Variants in ROCK1 observed in about 807,000 individuals in gnomAD.
ROCK1 encodes the protein Rho associated coiled-coil containing protein kinase 1.
In ROCK1, 36 loss-of-function variants were observed where a neutral mutation model predicts 196.8. The observed-to-expected ratio is 0.18, with a 90% CI of 0.14 to 0.24. The LOEUF is 0.24. Ranked by LOEUF, ROCK1 falls within the 10% of genes least tolerant of loss-of-function variation. The probability of loss-of-function intolerance (pLI) is 1.00; values close to 1 mark genes in which losing one functional copy is unlikely to be tolerated. For missense variants in ROCK1, 920 were observed against 1,562.0 expected, an observed-to-expected ratio of 0.59 and a Z score of 6.93; for synonymous variants, 443 against 515.9, an observed-to-expected ratio of 0.86 and a Z score of 1.91.
At chr18:21,052,439 C>CTTGGTCTAGGGGTACTATA (rs2036211491) in intron 2 of ROCK1, among the ~76,000 whole-genome samples, 2 of 152,322 alleles carry the variant, frequency 1.3e-5, no homozygotes, top group South Asian at 4.1e-4. Flanking sequence ...GAAACCCACT[C>CTTGGTCTAGGGGTACTATA]TTGGTCTAGG....
Position 20,992,863 on chromosome 18 carries a change from C to G in ROCK1, c.1960G>C (p.Glu654Gln). 1.2e-6 allele frequency: 2 copies of G among 1,610,606 alleles called. No individual in the cohort carries two copies. Among genetic ancestry groups the G allele is most frequent in the Non-Finnish European group, 1.7e-6 (2 of 1,177,328 alleles). Residue 654 changes from glutamate (E) to glutamine (Q), a missense_variant, in exon 17 of 33, where the codon GAG becomes CAG. Physicochemically the swap from Glu to Gln is conservative, Grantham distance 29. Transcript: ENST00000399799. ...NLEKVEGERK[E>Q]AQDMLNHSEK... ...GAGTGATTAAGCATGTCTTGAGCCT[C>G]TTTTCTTTCTCCTTCCACTTTTTCG...
At chr18:21,109,936 G>A (rs1488655262) in intron 1 of ROCK1, among the ~76,000 whole-genome samples, 2 of 152,004 alleles carry the variant, frequency 1.3e-5, no homozygotes, top group East Asian at 1.9e-4. Context: ...TTATTTTAGA[G>A]ATTATGTGGT....
intron 25 of ROCK1, 189 bp downstream of exon 25, chr18:20,968,582 AG>A: frequency 1.9e-6 from 1 of 528,152 alleles, no homozygotes; most frequent in East Asian, 3.3e-5. Context: ...TTGGGATTAC[AG>A]GCATGAGCCA....
Position 21,042,216 on chromosome 18 carries a change from T to C in ROCK1, c.840A>G (p.Ala280=), listed in dbSNP as rs889041502. 5 of 1,582,936 alleles carry C rather than the reference T, an allele frequency of 3.2e-6. No individual in the cohort carries two copies. The South Asian group carries it at 4.7e-5, about 15-fold the overall frequency. ...TACTGTAAGTTCCAACCAAAGAATCTGCATAAAAAGGTGTATCACCTGAAA... is the reference window on the plus strand; with the variant it reads ...TACTGTAAGTTCCAACCAAAGAATCCGCATAAAAAGGTGTATCACCTGAAA... ...EMLVGDTPFY[A]DSLVGTYSKI... The change falls in exon 8 of 33, where the codon GCA becomes GCG. Residue 280 remains alanine, a synonymous_variant. Coordinates refer to ENST00000399799, the MANE Select transcript of ROCK1 (RefSeq NM_005406.3).
chr18:21,032,524 T>TTTTTTTTTTTTTA (rs375335344), intron 9 of ROCK1, among the ~76,000 whole-genome samples: 2 of 148,800 alleles, frequency 1.3e-5, no homozygotes, highest in African/African-American at 5.0e-5. Flanking sequence ...TTTTTTTTTT[T>TTTTTTTTTTTTTA]GAGACAGAGT....
Position 21,111,668 on chromosome 18 carries a change from G to A in ROCK1, c.-758C>T, listed in dbSNP as rs2036754257. The A allele has an allele frequency of 6.5e-6, 1 of 154,080 alleles. No individual in the cohort carries two copies. The highest frequency in any genetic ancestry group is 2.4e-5 in the African/African-American group (1 of 41,484). 9.5% of individuals were successfully genotyped at this position (154,080 alleles called of 1,614,324 possible). A position where few individuals can be genotyped will look rare whatever the true frequency, so the allele number is the denominator to read the frequency against. ...AGTTGGGTCCCGGCGGCTGCTGATG[G>A]GGGAGCTTCTGGGAGGGGCTGCGGT... On this transcript the variant is annotated 5_prime_UTR_variant, in exon 1 of 33. Coordinates refer to ENST00000399799, the MANE Select transcript of ROCK1 (RefSeq NM_005406.3). The surrounding 1 kb of genome is among the most constrained non-coding windows in gnomAD (Gnocchi z 4.2).
Position 21,073,063 on chromosome 18 carries a change from CAAAAAAAAAAAAAAAAAAAAAAAAAAA to C in ROCK1, c.94-2477_94-2451del, listed in dbSNP as rs541290068. ...GCCTGGGTGAAAGAGACTCCGTCTCCAAAAAAAAAAAAAAAAAAAAAAAAAAAAAAAAAAAACAAAAGTGGAGGAGAA... is the reference window on the plus strand; with the variant it reads ...GCCTGGGTGAAAGAGACTCCGTCTCCAAAAAAAAACAAAAGTGGAGGAGAA... On this transcript the variant is annotated intron_variant, in intron 1 of 32. Coordinates refer to ENST00000399799, the MANE Select transcript of ROCK1 (RefSeq NM_005406.3). 3.7e-3 allele frequency among the ~76,000 whole-genome samples: 120 copies of C among 32,752 alleles called. 3 individuals carry two copies. Among genetic ancestry groups the C allele is most frequent in the Admixed American group, 0.018 (30 of 1,700 alleles). The allele number at this position is 32,752 out of a possible 152,430, so 21.5% of individuals were successfully genotyped here.
At chr18:21,096,978 G>C (rs1293050902) in intron 1 of ROCK1, among the ~76,000 whole-genome samples, 1 of 152,182 alleles carries the variant, frequency 6.6e-6, no homozygotes, top group Non-Finnish European at 1.5e-5. Flanking sequence ...TGTGATTTAT[G>C]TCAGACTATA....
At chr18:21,055,205 T>TA (rs910934855) in intron 2 of ROCK1, among the ~76,000 whole-genome samples, 1 of 152,208 alleles carries the variant, frequency 6.6e-6, no homozygotes, top group Admixed American at 6.5e-5. Flanking sequence ...TGCAGTTGAA[T>TA]ATGTCTCAAT....
chr18:21,055,858 G>A (rs751651094), intron 2 of ROCK1, among the ~76,000 whole-genome samples: 11 of 152,058 alleles, frequency 7.2e-5, no homozygotes, highest in South Asian at 2.1e-4. Flanking sequence ...ACTTCAGGTC[G>A]GCTCTTACCT....
At position 21,111,119 on chromosome 18, in the gene ROCK1, C is replaced by G. The variant is rs959564401; in HGVS notation, c.-209G>C. On this transcript the variant is annotated 5_prime_UTR_variant, in exon 1 of 33. Coordinates refer to ENST00000399799, the MANE Select transcript of ROCK1 (RefSeq NM_005406.3). The surrounding 1 kb of genome is among the most constrained non-coding windows in gnomAD (Gnocchi z 4.2). The stretch of plus-strand genomic sequence containing the variant: ...CGGGGGCAACAGCGACCCACAGCCG[C>G]TCGGACGCCCAAAGTCGCATCCCAC... 1.7e-6 allele frequency: 1 copy of G among 578,408 alleles called. No homozygotes were observed. Among genetic ancestry groups the G allele is most frequent in the Non-Finnish European group, 3.1e-6 (1 of 327,180 alleles). The allele number at this position is 578,408 out of a possible 1,614,324, so 35.8% of individuals were successfully genotyped here.
In ROCK1 at chr18:20,955,149, A is replaced by G. The variant is rs112304905; in HGVS notation, c.3591+18T>C. 2,351 of 1,532,062 alleles carry G rather than the reference A, an allele frequency of 1.5e-3. 16 individuals are homozygous for G. The African/African-American group carries it at 0.028, about 18-fold the overall frequency. The allele number at this position is 1,532,062 out of a possible 1,614,324, so 94.9% of individuals were successfully genotyped here. A position where few individuals can be genotyped will look rare whatever the true frequency, so the allele number is the denominator to read the frequency against. On this transcript the variant is annotated intron_variant, in intron 30 of 32. Transcript: ENST00000399799. The stretch of plus-strand genomic sequence containing the variant: ...CTTAGGACTTAGATTCTTTAAAATT[A>G]TAACTTCAGATTTTTACCTGGAATA...
intron 27 of ROCK1, among the ~76,000 whole-genome samples, chr18:20,964,344 CAA>C (rs2035353685): frequency 6.6e-6 from 1 of 151,976 alleles, no homozygotes; most frequent in Non-Finnish European, 1.5e-5. Flanking sequence ...GAATGAATAT[CAA>C]CATTCTTTAA....
At chr18:21,021,318 G>T (rs894331808) in intron 11 of ROCK1, among the ~76,000 whole-genome samples, 1 of 152,146 alleles carries the variant, frequency 6.6e-6, no homozygotes, top group Non-Finnish European at 1.5e-5. Flanking sequence ...AGCTGGACAT[G>T]AATGAGATTA....
intron 9 of ROCK1, among the ~76,000 whole-genome samples, chr18:21,031,825 A>G (rs1038201775): frequency 6.6e-6 from 1 of 152,142 alleles, no homozygotes; most frequent in African/African-American, 2.4e-5. Context: ...TGAAAAGTAC[A>G]ATAGCTGAAG....
At chr18:21,012,782 T>G (rs992260839) in intron 13 of ROCK1, among the ~76,000 whole-genome samples, 3 of 152,214 alleles carry the variant, frequency 2.0e-5, no homozygotes, top group Non-Finnish European at 4.4e-5. Flanking sequence ...ATTTTATTGT[T>G]ATAGTTCTAC....
chr18:20,958,059 T>C (rs2035263420), intron 29 of ROCK1, among the ~76,000 whole-genome samples: 1 of 152,188 alleles, frequency 6.6e-6, no homozygotes, highest in Admixed American at 6.5e-5. Context: ...TCTATGAACT[T>C]TATTGTGGGA....
chr18:21,092,016 G>A (rs958914927), intron 1 of ROCK1, among the ~76,000 whole-genome samples: 2 of 152,102 alleles, frequency 1.3e-5, no homozygotes, highest in African/African-American at 4.8e-5. Flanking sequence ...TAAATTTGGG[G>A]AGGAGTCAAA....
chr18:21,080,816 C>T (rs532414903), intron 1 of ROCK1, among the ~76,000 whole-genome samples: 27 of 152,110 alleles, frequency 1.8e-4, no homozygotes, highest in African/African-American at 4.3e-4. Context: ...AATTTATATG[C>T]GTCAAATATG....
Sources: allele counts gnomAD v4.1 joint callset (sites outside exome capture counted in the v4.1 genomes callset), GRCh38; gene constraint gnomAD v4.1.1; non-coding constraint Gnocchi (gnomAD v3.1); transcripts MANE v1.5; gene names NCBI Gene and HGNC (gene_info 2026-07-23, HGNC 2026-07-21).